The following ZMYM1 variants were observed in gnomAD, a reference collection of about 807,000 sequenced individuals.
ZMYM1 encodes the protein zinc finger MYM-type protein 1.
In ZMYM1, 39 loss-of-function variants were observed where a neutral mutation model predicts 60.0. The ratio of observed to expected loss-of-function variants is 0.65; its 90% CI spans 0.50 to 0.85. The LOEUF is 0.85. Among genes scored for constraint, ZMYM1 ranks in the 40% least tolerant of loss-of-function variants. The pLI is 0.00. For synonymous variants in ZMYM1, 413 were observed against 454.0 expected (o/e 0.91, Z 1.15); for missense variants, 1,171 against 1,309.5 (o/e 0.89, Z 1.63).
At chr1:35,076,884 A>G (rs1245231713), upstream of ZMYM1, among the ~76,000 whole-genome samples, 1 of 151,768 alleles carries the variant, frequency 6.6e-6, no homozygotes, top group Non-Finnish European at 1.5e-5. Flanking sequence ...GTGAGCCACC[A>G]AGATCACGCC....
intron 9 of ZMYM1, 21 bp from the exon 10 acceptor site, chr1:35,112,956 T>C: frequency 2.0e-6 from 3 of 1,502,362 alleles, no homozygotes; most frequent in Non-Finnish European, 2.7e-6. Flanking sequence ...TTAAATGTTC[T>C]TTTCTCATTT....
At chr1:35,070,657 G>T (rs1642050432) in intron 1 of ZMYM1, among the ~76,000 whole-genome samples, 1 of 152,150 alleles carries the variant, frequency 6.6e-6, no homozygotes, top group East Asian at 1.9e-4. Flanking sequence ...TAGGAGTGGT[G>T]AAAGTGGGCA....
intron 4 of ZMYM1, 170 bp from the exon 5 acceptor site, chr1:35,104,125 A>C: frequency 1.7e-6 from 1 of 591,226 alleles, no homozygotes; most frequent in South Asian, 2.8e-5. Context: ...TGTATAGATG[A>C]GAAAATTAAA....
chr1:35,091,816 A>G (rs1015928614), intron 1 of ZMYM1, among the ~76,000 whole-genome samples: 1 of 142,066 alleles, frequency 7.0e-6, no homozygotes, highest in Admixed American at 7.4e-5. Context: ...GAATTGCTTG[A>G]TCCCAGGAGG....
At position 35,113,982 on chromosome 1, in the gene ZMYM1, A is replaced by G; in HGVS notation, c.2152A>G (p.Ser718Gly). Residue 718 changes from serine (S) to glycine (G), a missense_variant, in exon 10 of 10, where the codon AGC becomes GGC. By Grantham distance (56) the Ser-to-Gly change is moderately conservative. Transcript: ENST00000359858. ...MDKIHGQAYD[S>G]TTNLKIKFNK... ...TAAAATACATGGCCAGGCCTATGAT[A>G]GCACCACTAATTTGAAGATAAAATT... 1 of 1,610,606 alleles carries G rather than the reference A, an allele frequency of 6.2e-7. No homozygotes were observed. Among genetic ancestry groups the G allele is most frequent in the Non-Finnish European group, 8.5e-7 (1 of 1,179,204 alleles).
intron 3 of ZMYM1, among the ~76,000 whole-genome samples, chr1:35,096,647 C>A (rs1362346788): frequency 6.6e-6 from 1 of 152,022 alleles, no homozygotes; most frequent in Non-Finnish European, 1.5e-5. Context: ...AGTGCTCCTG[C>A]CTCAGCCTCC....
At chr1:35,085,773 T>C (rs1642620900) in intron 1 of ZMYM1, among the ~76,000 whole-genome samples, 1 of 152,252 alleles carries the variant, frequency 6.6e-6, no homozygotes, top group Non-Finnish European at 1.5e-5. Context: ...CAGTATTCTG[T>C]ACCCCTCATT....
chr1:35,102,694 T>C (rs1254161185), intron 4 of ZMYM1, among the ~76,000 whole-genome samples: 1 of 152,194 alleles, frequency 6.6e-6, no homozygotes, highest in Non-Finnish European at 1.5e-5. Flanking sequence ...AGTAAACTGT[T>C]TACAGTACTT....
intron 3 of ZMYM1, among the ~76,000 whole-genome samples, chr1:35,096,525 G>A (rs1358050478): frequency 6.6e-6 from 1 of 150,932 alleles, no homozygotes; most frequent in Non-Finnish European, 1.5e-5. Flanking sequence ...GGGAGGCTGA[G>A]GCGGGAGGTT....
At chr1:35,093,843 G>T in intron 1 of ZMYM1, 71 bp from the exon 2 acceptor site, 1 of 537,532 alleles carries the variant, frequency 1.9e-6, no homozygotes, top group Non-Finnish European at 3.2e-6. Context: ...ACCCTTTTGT[G>T]GTTCTAGAAA....
chr1:35,065,616 G>A (rs984306670), intron 1 of ZMYM1, among the ~76,000 whole-genome samples: 2 of 150,256 alleles, frequency 1.3e-5, no homozygotes, highest in South Asian at 4.2e-4. Flanking sequence ...AAAGAAGAAT[G>A]ATCTCAAATA....
intron 1 of ZMYM1, among the ~76,000 whole-genome samples, chr1:35,073,190 G>T (rs1312496401): frequency 1.3e-5 from 2 of 148,638 alleles, no homozygotes; most frequent in Admixed American, 6.7e-5. Context: ...AGCCTAGGAG[G>T]TGGAGGTTGC....
chr1:35,104,789 GTTTC>G lies in ZMYM1; in HGVS notation c.807+23_807+26del, dbSNP rs111516737. 2.7e-3 allele frequency: 4,218 copies of G among 1,588,444 alleles called. 109 individuals carry two copies. The African/African-American group carries it at 0.049, about 19-fold the overall frequency. ...AAGCAGGTATGAATAAAGACCTATT[GTTTC>G]TTCTATTAACTGGCCTATGAATGGT... On this transcript the variant is annotated intron_variant, in intron 6 of 9. Coordinates refer to ENST00000359858, the MANE Select transcript of ZMYM1 (RefSeq NM_024772.5).
chr1:35,106,317 A>G (rs1397866185), intron 6 of ZMYM1, among the ~76,000 whole-genome samples: 1 of 152,008 alleles, frequency 6.6e-6, no homozygotes, highest in Non-Finnish European at 1.5e-5. Flanking sequence ...TTCCTTAAAA[A>G]CAAGCAGTTG....
At chr1:35,060,282 T>G (rs917411616) in intron 1 of ZMYM1, among the ~76,000 whole-genome samples, 4 of 151,792 alleles carry the variant, frequency 2.6e-5, no homozygotes, top group African/African-American at 9.7e-5. Flanking sequence ...TGCCTCAGCC[T>G]CCCAAGTAGC....
intron 1 of ZMYM1, among the ~76,000 whole-genome samples, chr1:35,060,627 C>T (rs1234960645): frequency 1.3e-5 from 2 of 152,152 alleles, no homozygotes; most frequent in Admixed American, 6.5e-5. Context: ...CTTCGCCCCT[C>T]CTCTCCTGCT....
At chr1:35,071,655 T>C (rs1455893332) in intron 1 of ZMYM1, among the ~76,000 whole-genome samples, 3 of 152,142 alleles carry the variant, frequency 2.0e-5, no homozygotes, top group Non-Finnish European at 2.9e-5. Context: ...TAGTATCTTC[T>C]TGAGAATTTT....
chr1:35,061,751 G>A (rs972659270), intron 1 of ZMYM1, among the ~76,000 whole-genome samples: 1 of 151,042 alleles, frequency 6.6e-6, no homozygotes, highest in African/African-American at 2.4e-5. Flanking sequence ...ACTCCAGCCT[G>A]GGTGACAGAG....
chr1:35,097,243 A>G, intron 3 of ZMYM1, 74 bp from the exon 4 acceptor site: 1 of 1,494,864 alleles, frequency 6.7e-7, no homozygotes, highest in South Asian at 1.4e-5. Context: ...AAAAAGAAAG[A>G]AAGAAAATAA....
Sources: gnomAD v4.1 joint callset for allele counts (sites outside exome capture counted in the v4.1 genomes callset) on GRCh38, gnomAD v4.1.1 for gene constraint, MANE v1.5 for transcripts, NCBI Gene and HGNC (gene_info 2026-07-23, HGNC 2026-07-21) for gene names.